Variants in KANK1 observed in about 807,000 individuals in gnomAD.
KANK1 encodes the protein KN motif and ankyrin repeat domain-containing protein 1.
In KANK1, 109 loss-of-function variants were observed where a neutral mutation model predicts 106.2. That is an observed-to-expected ratio of 1.03 (90% CI 0.88 to 1.20). The LOEUF (loss-of-function observed/expected upper bound fraction) is 1.20. KANK1 is among the 50% of genes most tolerant of loss of function. The probability of loss-of-function intolerance (pLI) is 0.00; values close to 1 mark genes in which losing one functional copy is unlikely to be tolerated. For missense variants in KANK1, 2,399 were observed against 1,710.7 expected (o/e 1.40, Z -7.10); for synonymous variants, 873 against 652.2 (o/e 1.34, Z -5.16).
intron 1 of KANK1, among the ~76,000 whole-genome samples, chr9:651,127 C>A (rs7866461): frequency 6.6e-6 from 1 of 151,902 alleles, no homozygotes; most frequent in African/African-American, 2.4e-5. Flanking sequence ...TTCGGAACCC[C>A]TTCAATTGTT....
intron 1 of KANK1, among the ~76,000 whole-genome samples, chr9:649,133 G>T (rs1840344637): frequency 6.6e-6 from 1 of 152,106 alleles, no homozygotes; most frequent in Non-Finnish European, 1.5e-5. Context: ...TGGCATATAA[G>T]GATATATGTA....
intron 1 of KANK1, among the ~76,000 whole-genome samples, chr9:534,034 G>A (rs1029165999): frequency 2.6e-5 from 4 of 152,174 alleles, no homozygotes; most frequent in African/African-American, 9.7e-5. Context: ...TATTCACAGG[G>A]ATGAACAGAA....
intron 3 of KANK1, among the ~76,000 whole-genome samples, chr9:490,588 G>T (rs1231354523): frequency 6.6e-6 from 1 of 152,142 alleles, no homozygotes; most frequent in Non-Finnish European, 1.5e-5. Context: ...TCTCCAGAAA[G>T]ATCTATTTGG....
At chr9:690,154 A>C (rs1309365355) in intron 2 of KANK1, among the ~76,000 whole-genome samples, 11 of 149,962 alleles carry the variant, frequency 7.3e-5, no homozygotes, top group African/African-American at 2.0e-4. Context: ...AAAAAAAAAA[A>C]AACTAGCTGG....
At chr9:504,437 C>A (rs1426157560), upstream of KANK1, among the ~76,000 whole-genome samples, 4 of 151,678 alleles carry the variant, frequency 2.6e-5, no homozygotes, top group African/African-American at 7.2e-5. Context: ...CGCCCGCGGC[C>A]GGCTCCGCGG....
intron 1 of KANK1, among the ~76,000 whole-genome samples, chr9:594,976 AAC>A (rs1276945845): frequency 2.0e-5 from 3 of 151,912 alleles, no homozygotes; most frequent in Non-Finnish European, 2.9e-5. Flanking sequence ...TTATTATAGA[AAC>A]AGTTTGATTT....
intron 1 of KANK1, among the ~76,000 whole-genome samples, chr9:543,396 A>G (rs1270400603): frequency 1.3e-5 from 2 of 151,738 alleles, no homozygotes; most frequent in African/African-American, 4.8e-5. Flanking sequence ...TGTCTATTAA[A>G]ACTACAAAAA....
intron 3 of KANK1, among the ~76,000 whole-genome samples, chr9:717,191 G>C (rs530870512): frequency 7.9e-5 from 12 of 152,050 alleles, no homozygotes; most frequent in African/African-American, 2.9e-4. Flanking sequence ...AGGCTGAGGT[G>C]GGAAGATCAC....
chr9:690,848 C>A (rs1249369739), intron 2 of KANK1, among the ~76,000 whole-genome samples: 2 of 152,312 alleles, frequency 1.3e-5, no homozygotes, highest in East Asian at 3.9e-4. Flanking sequence ...CTCAGCCAGC[C>A]TGGTACCACA....
intron 1 of KANK1, among the ~76,000 whole-genome samples, chr9:568,206 G>A (rs1228214397): frequency 6.6e-6 from 1 of 152,108 alleles, no homozygotes; most frequent in Admixed American, 6.5e-5. Context: ...AACTTCTCAA[G>A]ATTTTTTACA....
At chr9:742,611 A>G (rs1835949732) in intron 10 of KANK1, among the ~76,000 whole-genome samples, 1 of 152,188 alleles carries the variant, frequency 6.6e-6, no homozygotes, top group African/African-American at 2.4e-5. Flanking sequence ...ACTAGTACCC[A>G]AAGCAGAATA....
At position 710,627 on chromosome 9, in the gene KANK1, AAAC is replaced by A. The variant is rs1324487720; in HGVS notation, c.38-174_38-172del. 2.9e-5 allele frequency among the ~76,000 whole-genome samples: 3 copies of A among 102,280 alleles called. 1 individual carries two copies. Among genetic ancestry groups the A allele is most frequent in the African/African-American group, 5.5e-5 (1 of 18,308 alleles). 67.1% of individuals were successfully genotyped at this position (102,280 alleles called of 152,430 possible). On this transcript the variant is annotated intron_variant, in intron 2 of 11. Coordinates refer to ENST00000382297, the MANE Select transcript of KANK1 (RefSeq NM_015158.5). The stretch of plus-strand genomic sequence containing the variant: ...GAATGACCTGTCTCAAAAAAAAAAA[AAAC>A]AAAAAAAAACAAAAAAAACTTGCTT...
chr9:578,342 TG>T (rs1821146787), intron 1 of KANK1, among the ~76,000 whole-genome samples: 1 of 152,080 alleles, frequency 6.6e-6, no homozygotes, highest in African/African-American at 2.4e-5. Flanking sequence ...TGTGTGTGTG[TG>T]TGTGTGTGTT....
intron 3 of KANK1, among the ~76,000 whole-genome samples, chr9:474,634 C>A (rs1013313405): frequency 2.6e-5 from 4 of 152,206 alleles, no homozygotes; most frequent in African/African-American, 9.7e-5. Context: ...TGCCTTCCCT[C>A]CACTCTCCCA....
intron 1 of KANK1, among the ~76,000 whole-genome samples, chr9:568,386 A>T (rs1338483819): frequency 1.3e-5 from 2 of 152,180 alleles, no homozygotes; most frequent in Non-Finnish European, 2.9e-5. Context: ...ACAAATTATT[A>T]AGTTTCTGAA....
At chr9:536,321 A>C (rs1403940523) in intron 1 of KANK1, among the ~76,000 whole-genome samples, 3 of 152,188 alleles carry the variant, frequency 2.0e-5, no homozygotes, top group Non-Finnish European at 4.4e-5. Flanking sequence ...CAACTTGGGC[A>C]ACAGAGCGAG....
intron 2 of KANK1, among the ~76,000 whole-genome samples, chr9:472,287 T>C (rs2058036048): frequency 6.6e-6 from 1 of 152,206 alleles, no homozygotes; most frequent in African/African-American, 2.4e-5. Flanking sequence ...AAGCAAGGCG[T>C]AGCCTCAGAC....
At chr9:633,473 C>CA (rs903879395) in intron 1 of KANK1, among the ~76,000 whole-genome samples, 7 of 151,716 alleles carry the variant, frequency 4.6e-5, no homozygotes, top group South Asian at 4.2e-4. Context: ...CAAAACAAAA[C>CA]AAAAAAAACA....
intron 1 of KANK1, among the ~76,000 whole-genome samples, chr9:517,126 T>C (rs1288240114): frequency 1.3e-5 from 2 of 151,846 alleles, no homozygotes; most frequent in Non-Finnish European, 2.9e-5. Context: ...TGTTTTTGTT[T>C]TGAGACGGAG....
Sources: gnomAD v4.1 joint callset for allele counts (sites outside exome capture counted in the v4.1 genomes callset) on GRCh38, gnomAD v4.1.1 for gene constraint, MANE v1.5 for transcripts, NCBI Gene and HGNC (gene_info 2026-07-23, HGNC 2026-07-21) for gene names.